Variants in CACNA1C observed in about 807,000 individuals in gnomAD.
CACNA1C encodes the protein calcium voltage-gated channel subunit alpha1 C, also known as voltage-dependent L-type calcium channel subunit alpha-1C.
Under a neutral mutation model 229.0 loss-of-function variants are expected in CACNA1C, and 30 were observed. The observed-to-expected ratio is 0.13, with a 90% CI of 0.10 to 0.18. CACNA1C has a LOEUF of 0.18. Ranked by LOEUF, CACNA1C falls within the 10% of genes least tolerant of loss-of-function variation. The pLI is 1.00. For missense variants in CACNA1C, 1,658 were observed against 2,845.0 expected (o/e 0.58, Z 9.49); for synonymous variants, 1,114 against 1,132.5 (o/e 0.98, Z 0.33).
chr12:2,088,545 A>G lies in CACNA1C; in HGVS notation c.50-26679A>G, dbSNP rs2068648368. Among the ~76,000 whole-genome samples, 3 of 152,346 alleles carry G rather than the reference A, an allele frequency of 2.0e-5. No individual in the cohort carries two copies. In the South Asian group the frequency reaches 6.2e-4, roughly 32 times the overall value. On this transcript the variant is annotated intron_variant, in intron 1 of 46. Transcript: ENST00000399655. ...TGGGGGTGCTGAGAGGATTAAATAA[A>G]TCAATGTATGTAAAATCATGAGAAC... is the stretch of plus-strand genomic sequence containing the variant.
chr12:2,400,622 C>G (rs1471740358), intron 3 of CACNA1C, among the ~76,000 whole-genome samples: 1 of 152,174 alleles, frequency 6.6e-6, no homozygotes, highest in Admixed American at 6.5e-5. Context: ...CTCTGAACAC[C>G]TCAGGTTGGC....
intron 3 of CACNA1C, among the ~76,000 whole-genome samples, chr12:2,192,272 A>G (rs1288749123): frequency 1.3e-5 from 2 of 152,120 alleles, no homozygotes; most frequent in East Asian, 3.9e-4. Flanking sequence ...GTCTTCCTAT[A>G]TTTCTTGCCC....
chr12:2,672,627 G>T (rs1388123342), intron 38 of CACNA1C, among the ~76,000 whole-genome samples: 3 of 152,102 alleles, frequency 2.0e-5, no homozygotes, highest in Admixed American at 6.5e-5. Flanking sequence ...TCTTCAAATA[G>T]CCTCCAGGGT....
In CACNA1C at chr12:2,593,206, C is replaced by T. The variant is rs1382973630; in HGVS notation, c.2531-7C>T. The T allele has an allele frequency of 1.2e-6, 2 of 1,613,196 alleles. No individual in the cohort carries two copies. Among genetic ancestry groups the T allele is most frequent in the African/African-American group, 2.7e-5 (2 of 74,920 alleles). On this transcript the variant is annotated splice_region_variant and splice_polypyrimidine_tract_variant and intron_variant, in intron 18 of 46. Transcript: ENST00000399655. ...AGTTATTTAGAATGGTGCTGTTCTT[C>T]TTACAGGAGAAGAGGATGAGGAGGA... is the stretch of plus-strand genomic sequence containing the variant.
At chr12:2,205,253 G>C (rs1020340141) in intron 3 of CACNA1C, among the ~76,000 whole-genome samples, 2 of 152,228 alleles carry the variant, frequency 1.3e-5, no homozygotes, top group Non-Finnish European at 2.9e-5. Flanking sequence ...AGTGTGTGGA[G>C]GTGCAGCGTG....
At chr12:2,041,270 C>CTTTTTTTTTT (rs58922699) in intron 1 of CACNA1C, among the ~76,000 whole-genome samples, 8 of 91,000 alleles carry the variant, frequency 8.8e-5, no homozygotes, top group African/African-American at 1.7e-4. Context: ...TAAGGGTATT[C>CTTTTTTTTTT]TTTTTTTTTT....
At chr12:2,397,687 A>G (rs75390555) in intron 3 of CACNA1C, among the ~76,000 whole-genome samples, 2,033 of 152,338 alleles carry the variant, frequency 0.013, 24 homozygotes, top group East Asian at 0.063. Context: ...TGGAGCAGCA[A>G]AGCTGGTGAG....
At chr12:2,475,072 G>C (rs948902849) in intron 5 of CACNA1C, among the ~76,000 whole-genome samples, 40 of 152,162 alleles carry the variant, frequency 2.6e-4, no homozygotes, top group African/African-American at 9.4e-4. Flanking sequence ...GGCCGAGGCA[G>C]GCGGATCACG....
chr12:2,241,567 G>A (rs189091697), intron 3 of CACNA1C, among the ~76,000 whole-genome samples: 2 of 152,254 alleles, frequency 1.3e-5, no homozygotes, highest in East Asian at 1.9e-4. Flanking sequence ...TGGGTCTTCC[G>A]AAGACAGATG....
Position 2,403,589 on chromosome 12 carries a change from T to G in CACNA1C, c.478-45387T>G, listed in dbSNP as rs1297160480. ...ATTAAGTGACAGCTTTTACCACTCC[T>G]GGCAGCTGCTGCGAGACAAGATAAT... On this transcript the variant is annotated intron_variant, in intron 3 of 46. Coordinates refer to ENST00000399655, the MANE Select transcript of CACNA1C (RefSeq NM_000719.7). This position sits in a 1 kb window ranked among gnomAD's most constrained non-coding sequence, Gnocchi z 4.1. Among the ~76,000 whole-genome samples, 1 of 152,216 alleles carries G rather than the reference T, an allele frequency of 6.6e-6. No homozygotes were observed. Among genetic ancestry groups the G allele is most frequent in the Non-Finnish European group, 1.5e-5 (1 of 68,038 alleles).
chr12:2,617,375 T>A (rs1361222726), intron 29 of CACNA1C, among the ~76,000 whole-genome samples: 3 of 152,140 alleles, frequency 2.0e-5, no homozygotes, highest in Non-Finnish European at 4.4e-5. Context: ...CCAGCTAAGC[T>A]ATAGGGAGGG....
intron 34 of CACNA1C, 38 bp downstream of exon 34, chr12:2,655,276 C>A: frequency 7.9e-7 from 1 of 1,262,132 alleles, no homozygotes; most frequent in Non-Finnish European, 1.2e-6. Context: ...GATACACACA[C>A]ACCTGCATGG....
At chr12:2,129,555 A>C (rs906596242) in intron 3 of CACNA1C, among the ~76,000 whole-genome samples, 1 of 152,188 alleles carries the variant, frequency 6.6e-6, no homozygotes, top group Non-Finnish European at 1.5e-5. Flanking sequence ...TCATGTACCA[A>C]ACTTCTTGTA....
intron 1 of CACNA1C, among the ~76,000 whole-genome samples, chr12:2,102,667 G>T (rs982082660): frequency 2.6e-5 from 4 of 152,058 alleles, no homozygotes; most frequent in Non-Finnish European, 5.9e-5. Context: ...GACATGCCGT[G>T]GTGGTTTGCT....
chr12:2,296,572 A>G (rs1304428835), intron 3 of CACNA1C, among the ~76,000 whole-genome samples: 1 of 152,114 alleles, frequency 6.6e-6, no homozygotes, highest in Non-Finnish European at 1.5e-5. Context: ...GAATATCCTC[A>G]CATGGGACCA....
intron 5 of CACNA1C, among the ~76,000 whole-genome samples, chr12:2,484,708 C>T (rs949538701): frequency 8.0e-6 from 1 of 125,090 alleles, no homozygotes; most frequent in Non-Finnish European, 1.6e-5. Context: ...CCCCCACCCC[C>T]CACCCCCAGC....
At chr12:2,270,566 T>TC (rs2084467718) in intron 3 of CACNA1C, among the ~76,000 whole-genome samples, 1 of 152,092 alleles carries the variant, frequency 6.6e-6, no homozygotes, top group Non-Finnish European at 1.5e-5. Flanking sequence ...GCCACAGCAC[T>TC]CCAGACGTGG....
intron 34 of CACNA1C, among the ~76,000 whole-genome samples, chr12:2,657,871 CA>C (rs1459829453): frequency 6.6e-6 from 1 of 151,898 alleles, no homozygotes; most frequent in African/African-American, 2.4e-5. Context: ...TTAAACAAGA[CA>C]AAGAGGGATT....
chr12:2,101,052 T>C (rs996824412), intron 1 of CACNA1C, among the ~76,000 whole-genome samples: 1 of 151,528 alleles, frequency 6.6e-6, no homozygotes, highest in African/African-American at 2.4e-5. Flanking sequence ...CCATTGTATA[T>C]ACTTTTGTGG....
Sources: gnomAD v4.1 joint callset for allele counts (sites outside exome capture counted in the v4.1 genomes callset) on GRCh38, gnomAD v4.1.1 for gene constraint, Gnocchi (gnomAD v3.1) non-coding constraint, MANE v1.5 for transcripts, NCBI Gene and HGNC (gene_info 2026-07-23, HGNC 2026-07-21) for gene names.